Variants in CTNNA2 observed in about 807,000 individuals in gnomAD.
CTNNA2 encodes catenin alpha-2.
In CTNNA2, 42 loss-of-function variants were observed where a neutral mutation model predicts 101.0. The ratio of observed to expected loss-of-function variants is 0.42; its 90% CI spans 0.32 to 0.54. The LOEUF (loss-of-function observed/expected upper bound fraction) is 0.54. Among genes scored for constraint, CTNNA2 ranks in the 20% least tolerant of loss-of-function variants. CTNNA2 has a pLI of 0.14. For synonymous variants in CTNNA2, 450 were observed against 456.4 expected, an observed-to-expected ratio of 0.99 and a Z score of 0.18; for missense variants, 871 against 1,223.1, an observed-to-expected ratio of 0.71 and a Z score of 4.29.
rs564277466 is a variant in CTNNA2 at position 79,314,531 on chromosome 2, A to G, written c.-318+1735A>G. On this transcript the variant is annotated intron_variant, in intron 3 of 21. Coordinates refer to the CTNNA2 transcript ENST00000466387. ...ACCGTTATATTGAGGATCCAGTAGT[A>G]ATAAGGCTCAGAGAATAGAGACCCC... 5.3e-5 allele frequency among the ~76,000 whole-genome samples: 8 copies of G among 152,354 alleles called. No individual in the cohort carries two copies. In the East Asian group the frequency reaches 1.5e-3, roughly 29 times the overall value.
intron 7 of CTNNA2, among the ~76,000 whole-genome samples, chr2:80,215,112 T>C (rs1488331477): frequency 6.6e-6 from 1 of 152,214 alleles, no homozygotes; most frequent in Non-Finnish European, 1.5e-5. Context: ...CTCCATCAGG[T>C]CATTTAAGGT....
At chr2:79,631,835 C>T (rs756095995) in intron 1 of CTNNA2, among the ~76,000 whole-genome samples, 2 of 152,116 alleles carry the variant, frequency 1.3e-5, no homozygotes, top group Non-Finnish European at 2.9e-5. Context: ...CATGCCTCAC[C>T]CTAGCTTTTG....
At chr2:79,328,665 C>T (rs1266209660) in intron 3 of CTNNA2, among the ~76,000 whole-genome samples, 2 of 152,102 alleles carry the variant, frequency 1.3e-5, no homozygotes, top group Non-Finnish European at 2.9e-5. Context: ...GGTTTGAGTA[C>T]AGCATGTTAG....
chr2:79,642,593 C>T (rs1443728768), intron 1 of CTNNA2, among the ~76,000 whole-genome samples: 1 of 152,076 alleles, frequency 6.6e-6, no homozygotes, highest in Non-Finnish European at 1.5e-5. Context: ...AGGGCTTTCC[C>T]ATAGTTTGGG....
chr2:79,247,802 A>G (rs1306985342), intron 2 of CTNNA2, among the ~76,000 whole-genome samples: 1 of 152,184 alleles, frequency 6.6e-6, no homozygotes, highest in Non-Finnish European at 1.5e-5. Flanking sequence ...TGATCTGAAG[A>G]TGCCATGTTG....
intron 3 of CTNNA2, among the ~76,000 whole-genome samples, chr2:79,763,598 C>T (rs1672947766): frequency 6.6e-6 from 1 of 152,180 alleles, no homozygotes; most frequent in African/African-American, 2.4e-5. Flanking sequence ...TTTTCAACAT[C>T]TCTGCAATAG....
intron 4 of CTNNA2, among the ~76,000 whole-genome samples, chr2:79,456,069 A>G (rs199892005): frequency 6.9e-6 from 1 of 145,506 alleles, no homozygotes; most frequent in East Asian, 1.9e-4. Flanking sequence ...TTCCAAATCT[A>G]CTAAAGTTTT....
At chr2:80,565,322 C>T (rs900066615) in intron 12 of CTNNA2, among the ~76,000 whole-genome samples, 1 of 152,060 alleles carries the variant, frequency 6.6e-6, no homozygotes, top group Non-Finnish European at 1.5e-5. Context: ...GCAAGTTTAT[C>T]AAATCTTGTC....
At chr2:80,211,949 G>T (rs574386583) in intron 7 of CTNNA2, among the ~76,000 whole-genome samples, 6 of 151,938 alleles carry the variant, frequency 3.9e-5, no homozygotes, top group Non-Finnish European at 8.8e-5. Context: ...TGTAAGTTGG[G>T]TTCCTAAGTA....
intron 7 of CTNNA2, among the ~76,000 whole-genome samples, chr2:80,307,241 T>G (rs1677115634): frequency 6.6e-6 from 1 of 151,990 alleles, no homozygotes; most frequent in African/African-American, 2.4e-5. Flanking sequence ...TTTATTGAAA[T>G]TTAGCTATTC....
Position 80,647,715 on chromosome 2 carries a change from C to CTGT in CTNNA2, c.2709_2711dup (p.Val904dup). ...TATGGGACAGCAGCTGTCAACTCACCTGTTGTGTCTTGGAAGATGAAGGCT... is the reference window on the plus strand; with the variant it reads ...TATGGGACAGCAGCTGTCAACTCACCTGTTGTTGTGTCTTGGAAGATGAAGGCT... On this transcript the variant is annotated inframe_insertion, in exon 19 of 19. Coordinates refer to ENST00000402739, the MANE Select transcript of CTNNA2 (RefSeq NM_001282597.3). 1 of 1,613,526 alleles carries CTGT rather than the reference C, an allele frequency of 6.2e-7. No individual in the cohort carries two copies. Among genetic ancestry groups the CTGT allele is most frequent in the South Asian group, 1.1e-5 (1 of 91,078 alleles).
intron 2 of CTNNA2, among the ~76,000 whole-genome samples, chr2:79,711,306 C>G (rs1282651909): frequency 6.6e-6 from 1 of 152,038 alleles, no homozygotes; most frequent in Non-Finnish European, 1.5e-5. Flanking sequence ...ATGGTGTTGC[C>G]TCATCTCTTC....
rs1423060569 is a variant in CTNNA2, at chr2:79,660,200, T to C, written c.102+8542T>C. Reference sequence around the variant, plus strand: ...AGCATGTTTACAAATACAAATACTATGTATATATAGTATATATTTGTATAT... The same window carrying C: ...AGCATGTTTACAAATACAAATACTACGTATATATAGTATATATTTGTATAT... On this transcript the variant is annotated intron_variant, in intron 2 of 18. Coordinates refer to ENST00000402739, the MANE Select transcript of CTNNA2 (RefSeq NM_001282597.3). Among the ~76,000 whole-genome samples, 3 of 150,450 alleles carry C rather than the reference T, an allele frequency of 2.0e-5. No homozygotes were observed. In the East Asian group the frequency reaches 5.9e-4, roughly 29 times the overall value.
At chr2:79,954,464 C>G (rs1305050604) in intron 7 of CTNNA2, among the ~76,000 whole-genome samples, 2 of 152,178 alleles carry the variant, frequency 1.3e-5, no homozygotes, top group South Asian at 4.1e-4. Context: ...TTTCATTTCT[C>G]TGTGTTACAG....
rs182838085 is a variant in CTNNA2 at position 80,470,483 on chromosome 2, G to A, written c.1290+50882G>A. ...GATTTTTGTTCTATGTCCCAAAAAT[G>A]TCATGAGTAAGCCTGCGGAAAACAG... On this transcript the variant is annotated intron_variant, in intron 9 of 18. Coordinates refer to ENST00000402739, the MANE Select transcript of CTNNA2 (RefSeq NM_001282597.3). 2.0e-5 allele frequency among the ~76,000 whole-genome samples: 3 copies of A among 152,240 alleles called. No homozygotes were observed. The East Asian group carries it at 5.8e-4, about 29-fold the overall frequency.
intron 15 of CTNNA2, among the ~76,000 whole-genome samples, chr2:80,599,790 T>G (rs1262368658): frequency 2.7e-5 from 4 of 147,772 alleles, no homozygotes; most frequent in Admixed American, 2.7e-4. Flanking sequence ...TGTTTATTTA[T>G]TTTTATACTT....
At chr2:79,849,921 T>C (rs1452837573) in intron 3 of CTNNA2, among the ~76,000 whole-genome samples, 1 of 152,180 alleles carries the variant, frequency 6.6e-6, no homozygotes, top group Non-Finnish European at 1.5e-5. Flanking sequence ...TCGACAGCAT[T>C]CCTTGAGGGA....
chr2:80,373,186 C>T lies in CTNNA2; in HGVS notation c.1057-20025C>T, dbSNP rs148333490. The stretch of plus-strand genomic sequence containing the variant: ...GTGTTAATTAGTGGAGTGAACAAAT[C>T]AGGACCTGATCATTCTATGAGTCTC... On this transcript the variant is annotated intron_variant, in intron 7 of 18. Transcript: ENST00000402739. Among the ~76,000 whole-genome samples, 1,174 of 152,006 alleles carry T rather than the reference C, an allele frequency of 7.7e-3. 20 individuals are homozygous for T. The highest frequency in any genetic ancestry group is 0.027 in the African/African-American group (1,118 of 41,486).
rs890212769 is a variant in CTNNA2, at chr2:79,554,731, T to A, written c.-6+41524T>A. On this transcript the variant is annotated intron_variant, in intron 1 of 18. Coordinates refer to ENST00000402739, the MANE Select transcript of CTNNA2 (RefSeq NM_001282597.3). ...AATTGTGCTAGACACTCTATTAAAT[T>A]AATCCTGTTCTCAAAACAGTTCCAC... Among the ~76,000 whole-genome samples, 6 of 152,184 alleles carry A rather than the reference T, an allele frequency of 3.9e-5. No individual in the cohort carries two copies. In the East Asian group the frequency reaches 1.2e-3, roughly 29 times the overall value.
Sources: allele counts gnomAD v4.1 joint callset (sites outside exome capture counted in the v4.1 genomes callset), GRCh38; gene constraint gnomAD v4.1.1; transcripts MANE v1.5; gene names NCBI Gene and HGNC (gene_info 2026-07-23, HGNC 2026-07-21).